The following TP53BP1 variants were observed in gnomAD, a reference collection of about 807,000 sequenced individuals.
TP53BP1 encodes tumor protein p53 binding protein 1.
TP53BP1 carries 61 observed loss-of-function variants against 200.8 expected under a neutral mutation model. The observed-to-expected ratio is 0.30, with a 90% CI of 0.25 to 0.38. The LOEUF (loss-of-function observed/expected upper bound fraction) is 0.38. TP53BP1 is among the 10% of genes least tolerant of loss of function. The pLI is 1.00. For missense variants in TP53BP1, 2,144 were observed against 2,371.9 expected (o/e 0.90, Z 2.00); for synonymous variants, 822 against 844.3 (o/e 0.97, Z 0.46).
At chr15:43,481,547 T>C (rs188861601) in intron 4 of TP53BP1, among the ~76,000 whole-genome samples, 216 of 151,654 alleles carry the variant, frequency 1.4e-3, no homozygotes, top group Middle Eastern at 0.01. Context: ...CCGGGCACAG[T>C]GGCTCACACC....
intron 20 of TP53BP1, 62 bp downstream of exon 20, chr15:43,420,963 C>T: frequency 6.4e-7 from 1 of 1,558,182 alleles, no homozygotes; most frequent in Non-Finnish European, 8.7e-7. Context: ...CTCTACTCCC[C>T]TCTCCTCCAT....
chr15:43,454,897 A>G (rs1215283585), intron 12 of TP53BP1, among the ~76,000 whole-genome samples: 5 of 151,982 alleles, frequency 3.3e-5, no homozygotes, highest in Non-Finnish European at 7.4e-5. Context: ...CACCTGGCTA[A>G]TTTTTTGTAT....
chr15:43,474,571 C>A, intron 10 of TP53BP1, 102 bp downstream of exon 10: 1 of 729,354 alleles, frequency 1.4e-6, no homozygotes, highest in South Asian at 1.9e-5. Context: ...TTGTGTAGGT[C>A]ACAAGCATTC....
chr15:43,498,863 A>C (rs1052355553), intron 1 of TP53BP1, among the ~76,000 whole-genome samples: 3 of 152,208 alleles, frequency 2.0e-5, no homozygotes, highest in Admixed American at 2.0e-4. Context: ...GTTTGGTACT[A>C]AGCAAAACTA....
chr15:43,432,210 T>A lies in TP53BP1; in HGVS notation c.3659A>T (p.Glu1220Val). Residue 1220 changes from glutamate to valine, a missense_variant, in exon 17 of 28, where the codon GAG (glutamate) becomes GTG (valine). Transcript: ENST00000382044. ...KPVSAPGDDT[E>V]SLHSQGEEEF... ...TTCTCTCACCTGGCTATGGAGCGAC[T>A]CTGTATCATCCCCAGGAGCACTGAC... 6.2e-7 allele frequency: 1 copy of A among 1,614,094 alleles called. No homozygotes were observed. The highest frequency in any genetic ancestry group is 8.5e-7 in the Non-Finnish European group (1 of 1,179,966).
upstream of TP53BP1, among the ~76,000 whole-genome samples, chr15:43,495,053 G>T (rs528806205): frequency 6.6e-6 from 1 of 152,198 alleles, no homozygotes; most frequent in African/African-American, 2.4e-5. Flanking sequence ...TTAGCTGGGT[G>T]TGGTGGCATG....
intron 11 of TP53BP1, among the ~76,000 whole-genome samples, chr15:43,465,641 C>G (rs12905220): frequency 0.17 from 25,589 of 151,812 alleles, 2,329 homozygotes; most frequent in Middle Eastern, 0.27. Flanking sequence ...AGAGGGCCTG[C>G]CAAGTACCCA....
At position 43,415,601 on chromosome 15, in the gene TP53BP1, T is replaced by C. The variant is rs941189956; in HGVS notation, c.5082A>G (p.Val1694=). 6.2e-7 allele frequency: 1 copy of C among 1,614,208 alleles called. No homozygotes were observed. The highest frequency in any genetic ancestry group is 1.1e-5 in the South Asian group (1 of 91,080). The change falls in exon 23 of 28, where the codon GTA becomes GTG. Residue 1694 remains valine, a synonymous_variant. Coordinates refer to ENST00000382044, the MANE Select transcript of TP53BP1 (RefSeq NM_001141980.3). ...GCAAAAAGGAGCACTTACCAGGTTT[T>C]ACTGTGGCAGACTTGCGACCTCGCT... ...PAKRGRKSAT[V]KPGAVGAGEF... is the part of the protein sequence containing the mutation.
chr15:43,444,790 T>G (rs2046004541), intron 14 of TP53BP1, among the ~76,000 whole-genome samples: 3 of 152,234 alleles, frequency 2.0e-5, no homozygotes, highest in Admixed American at 2.0e-4. Flanking sequence ...ACCTATTCTG[T>G]GTAGTCTTCA....
intron 19 of TP53BP1, 142 bp from the exon 20 acceptor site, chr15:43,421,316 C>T: frequency 1.3e-6 from 1 of 772,414 alleles, no homozygotes; most frequent in South Asian, 1.8e-5. Flanking sequence ...CACACACCCA[C>T]CACCAAAATC....
chr15:43,439,546 A>G (rs2045879359), intron 15 of TP53BP1, among the ~76,000 whole-genome samples: 1 of 152,228 alleles, frequency 6.6e-6, no homozygotes, highest in African/African-American at 2.4e-5. Flanking sequence ...AAACAAACAA[A>G]CAAAAAATCT....
intron 4 of TP53BP1, among the ~76,000 whole-genome samples, chr15:43,484,434 T>C (rs1383663817): frequency 6.6e-6 from 1 of 152,204 alleles, no homozygotes; most frequent in Non-Finnish European, 1.5e-5. Context: ...AGTCTATTCT[T>C]AATCAAGCAG....
intron 13 of TP53BP1, chr15:43,446,884 A>G (rs1016584657): frequency 8.7e-6 from 9 of 1,032,376 alleles, no homozygotes; most frequent in Non-Finnish European, 1.1e-5. Flanking sequence ...AGGAGACTCC[A>G]GACGGCATGA....
chr15:43,489,736 T>C (rs2079094646), intron 4 of TP53BP1, among the ~76,000 whole-genome samples: 1 of 152,212 alleles, frequency 6.6e-6, no homozygotes, highest in African/African-American at 2.4e-5. Context: ...TAAAATTCTG[T>C]CAATTAATTC....
chr15:43,482,767 CA>C (rs59569850), intron 4 of TP53BP1, among the ~76,000 whole-genome samples: 89 of 135,438 alleles, frequency 6.6e-4, no homozygotes, highest in Admixed American at 6.7e-4. Flanking sequence ...GACTCCGTCT[CA>C]AAAAAAAAAA....
intron 8 of TP53BP1, among the ~76,000 whole-genome samples, chr15:43,476,218 T>A (rs2078879204): frequency 6.6e-6 from 1 of 152,002 alleles, no homozygotes; most frequent in Admixed American, 6.6e-5. Context: ...TGAGCTGAGA[T>A]TGCACCACTG....
intron 16 of TP53BP1, among the ~76,000 whole-genome samples, chr15:43,436,091 G>A (rs574897261): frequency 3.3e-5 from 5 of 151,694 alleles, no homozygotes; most frequent in African/African-American, 1.2e-4. Context: ...TCCTGGGCTC[G>A]AGCCATTCTC....
At chr15:43,423,431 G>A (rs2045451497) in intron 18 of TP53BP1, among the ~76,000 whole-genome samples, 1 of 151,878 alleles carries the variant, frequency 6.6e-6, no homozygotes, top group Non-Finnish European at 1.5e-5. Context: ...GCAGAGGCAG[G>A]TGGATCACTT....
intron 12 of TP53BP1, among the ~76,000 whole-genome samples, chr15:43,451,270 G>C (rs1045354830): frequency 6.6e-6 from 1 of 151,734 alleles, no homozygotes; most frequent in Non-Finnish European, 1.5e-5. Context: ...TGCCATGCTG[G>C]TGTGCTGCAC....
Sources: gnomAD v4.1 joint callset for allele counts (sites outside exome capture counted in the v4.1 genomes callset) on GRCh38, gnomAD v4.1.1 for gene constraint, MANE v1.5 for transcripts, NCBI Gene and HGNC (gene_info 2026-07-23, HGNC 2026-07-21) for gene names.